The following ADAM19 variants were observed in gnomAD, a reference collection of about 807,000 sequenced individuals.
The protein encoded by ADAM19 is disintegrin and metalloproteinase domain-containing protein 19.
ADAM19 carries 65 observed loss-of-function variants against 114.7 expected under a neutral mutation model. That is an observed-to-expected ratio of 0.57 (90% CI 0.46 to 0.70). The LOEUF (loss-of-function observed/expected upper bound fraction) is 0.70. Ranked by LOEUF, ADAM19 falls within the 30% of genes least tolerant of loss-of-function variation. The probability of loss-of-function intolerance (pLI) is 0.00; values close to 1 mark genes in which losing one functional copy is unlikely to be tolerated. For missense variants in ADAM19, 1,063 were observed against 1,204.7 expected (o/e 0.88, Z 1.74); for synonymous variants, 466 against 460.5 (o/e 1.01, Z -0.15).
intron 4 of ADAM19, among the ~76,000 whole-genome samples, chr5:157,532,645 T>C (rs1756657906): frequency 6.6e-6 from 1 of 152,156 alleles, no homozygotes; most frequent in Non-Finnish European, 1.5e-5. Flanking sequence ...AACCACACAG[T>C]TGCAGACATG....
At chr5:157,495,281 G>GTC (rs1755322700) in intron 14 of ADAM19, among the ~76,000 whole-genome samples, 1 of 152,070 alleles carries the variant, frequency 6.6e-6, no homozygotes, top group Non-Finnish European at 1.5e-5. Context: ...GATTACAGGC[G>GTC]TGAGCCACCA....
chr5:157,530,658 A>T, intron 5 of ADAM19, 149 bp downstream of exon 5: 1 of 623,486 alleles, frequency 1.6e-6, no homozygotes, highest in East Asian at 2.8e-5. Flanking sequence ...TCCCTTGCCC[A>T]TCCTCCCAGG....
At chr5:157,494,096 GGTAAATCTTCAATAGATAGTAGATAGACA>G (rs1755265855) in intron 15 of ADAM19, among the ~76,000 whole-genome samples, 1 of 152,162 alleles carries the variant, frequency 6.6e-6, no homozygotes, top group South Asian at 2.1e-4. Context: ...TCTTGCACAT[GGTAAATCTTCAATAGATAGTAGATAGACA>G]GTAAATCTTC....
chr5:157,568,326 T>C (rs1264268753), intron 2 of ADAM19: 1 of 152,216 alleles, frequency 6.6e-6, no homozygotes, highest in African/African-American at 2.4e-5. Flanking sequence ...ATTCTCTCTA[T>C]TCTGGAAGGT....
intron 13 of ADAM19, among the ~76,000 whole-genome samples, chr5:157,497,570 T>TACACACAC (rs5872512): frequency 8.6e-5 from 10 of 116,756 alleles, no homozygotes; most frequent in Non-Finnish European, 1.2e-4. Context: ...GGCCCACTAA[T>TACACACAC]ACACACACAC....
At chr5:157,542,675 C>T (rs13355228) in intron 3 of ADAM19, among the ~76,000 whole-genome samples, 24,151 of 152,222 alleles carry the variant, frequency 0.16, 2,322 homozygotes, top group African/African-American at 0.25. Context: ...TGTGGTGGCG[C>T]GCACCTGTAA....
chr5:157,570,810 A>T, intron 2 of ADAM19, 85 bp downstream of exon 2: 1 of 1,174,616 alleles, frequency 8.5e-7, no homozygotes, highest in Non-Finnish European at 1.2e-6. Flanking sequence ...AATGGTGATG[A>T]CTGGGATTCT....
intron 2 of ADAM19, chr5:157,566,377 A>C (rs1205389424): frequency 6.6e-6 from 1 of 152,240 alleles, no homozygotes; most frequent in African/African-American, 2.4e-5. Flanking sequence ...CCTAACCATT[A>C]CCATAGTTAA....
intron 2 of ADAM19, among the ~76,000 whole-genome samples, chr5:157,564,915 T>C (rs1360766925): frequency 1.3e-5 from 2 of 152,150 alleles, no homozygotes; most frequent in African/African-American, 2.4e-5. Flanking sequence ...TGAGCATAAA[T>C]AATGTATCAC....
intron 6 of ADAM19, among the ~76,000 whole-genome samples, chr5:157,519,436 C>T (rs1253627605): frequency 6.6e-6 from 1 of 152,166 alleles, no homozygotes; most frequent in Non-Finnish European, 1.5e-5. Context: ...GGCACCCAGC[C>T]ATCATGCCCA....
chr5:157,531,140 G>T (rs1756611932), intron 4 of ADAM19, among the ~76,000 whole-genome samples: 1 of 152,126 alleles, frequency 6.6e-6, no homozygotes, highest in South Asian at 2.1e-4. Flanking sequence ...AAAGAGATTT[G>T]CCCAAGGTCT....
At chr5:157,507,208 G>C in intron 9 of ADAM19, 68 bp from the exon 10 acceptor site, 4 of 1,498,236 alleles carry the variant, frequency 2.7e-6, no homozygotes, top group Non-Finnish European at 3.7e-6. Flanking sequence ...GTGCCTGGGA[G>C]TAAGTGGCCA....
chr5:157,525,340 C>T (rs1756422513), intron 5 of ADAM19, among the ~76,000 whole-genome samples: 1 of 152,138 alleles, frequency 6.6e-6, no homozygotes, highest in African/African-American at 2.4e-5. Flanking sequence ...CTCCTTCTGC[C>T]CCAGGCTCCC....
At chr5:157,534,337 G>A (rs146558727) in intron 4 of ADAM19, among the ~76,000 whole-genome samples, 1,777 of 152,126 alleles carry the variant, frequency 0.012, 37 homozygotes, top group African/African-American at 0.036. Context: ...GCGTGATGGC[G>A]GGCACTTGTA....
chr5:157,544,674 A>T (rs1177859420), intron 3 of ADAM19, among the ~76,000 whole-genome samples: 1 of 152,230 alleles, frequency 6.6e-6, no homozygotes, highest in Admixed American at 6.5e-5. Context: ...TTTGTTTTCC[A>T]GTGTCCCGAA....
At chr5:157,538,100 A>G in intron 3 of ADAM19, 109 bp from the exon 4 acceptor site, 1 of 783,584 alleles carries the variant, frequency 1.3e-6, no homozygotes, top group South Asian at 2.0e-5. Flanking sequence ...AAGCATCTCC[A>G]TACAAAAGAA....
intron 1 of ADAM19, among the ~76,000 whole-genome samples, chr5:157,574,221 T>G (rs1351018364): frequency 1.3e-5 from 2 of 152,208 alleles, no homozygotes; most frequent in Non-Finnish European, 2.9e-5. Flanking sequence ...CAGATCATTT[T>G]CTTTTACACT....
rs1756809327 is a variant in ADAM19, at chr5:157,537,938, G to C, written c.305C>G (p.Pro102Arg). ...TETHYTSSGNPQTTTRKLEDH... is the reference protein window; with the variant it reads ...TETHYTSSGNRQTTTRKLEDH... ...CTCCAATTTCCGTGTGGTGGTTTGA[G>C]GGTTACCACTTGAAGTATAATGGGT... Residue 102 changes from proline (P) to arginine (R), a missense_variant, in exon 4 of 23, where the codon CCT (proline) becomes CGT (arginine). Pro to Arg is a moderately radical substitution (Grantham distance 103, BLOSUM62 -2). This residue lies in a region of ADAM19 where 615 missense variants were observed against 706.3 expected (regional missense o/e 0.87). Coordinates refer to ENST00000257527, the MANE Select transcript of ADAM19 (RefSeq NM_033274.5). 1.2e-5 allele frequency: 19 copies of C among 1,613,960 alleles called. No individual in the cohort carries two copies. The highest frequency in any genetic ancestry group is 1.4e-5 in the Non-Finnish European group (17 of 1,180,014).
At position 157,521,716 on chromosome 5, in the gene ADAM19, C is replaced by T. The variant is rs1204238046; in HGVS notation, c.408-1685G>A. Among the ~76,000 whole-genome samples the T allele has an allele frequency of 3.3e-5, 5 of 152,152 alleles. No homozygotes were observed. In the East Asian group the frequency reaches 9.6e-4, roughly 29 times the overall value. ...CTCCCTGAACATCTGGGGGTGGGAG[C>T]GTGGCAAGGAGCAAGGGTCGCATCC... On this transcript the variant is annotated intron_variant, in intron 5 of 22. Transcript: ENST00000257527.
Sources: gnomAD v4.1 joint callset for allele counts (sites outside exome capture counted in the v4.1 genomes callset) on GRCh38, gnomAD v4.1.1 for gene constraint, gnomAD v4.1.1 regional missense constraint, MANE v1.5 for transcripts, NCBI Gene and HGNC (gene_info 2026-07-23, HGNC 2026-07-21) for gene names.